The following HS6ST2 variants were observed in gnomAD, a reference collection of about 807,000 sequenced individuals.
HS6ST2 encodes the protein heparan sulfate 6-O-sulfotransferase 2.
Under a neutral mutation model 33.0 loss-of-function variants are expected in HS6ST2, and 17 were observed. The ratio of observed to expected loss-of-function variants is 0.52; its 90% CI spans 0.35 to 0.77. The LOEUF (loss-of-function observed/expected upper bound fraction) is 0.77, where lower values mean the gene tolerates loss of function less well. Among genes scored for constraint, HS6ST2 ranks in the 30% least tolerant of loss-of-function variants. HS6ST2 has a pLI of 0.01. For synonymous variants in HS6ST2, 248 were observed against 237.1 expected (o/e 1.05, Z -0.42); for missense variants, 519 against 551.7 (o/e 0.94, Z 0.59).
At chrX:132,641,201 T>C (rs1250127107) in intron 4 of HS6ST2, among the ~76,000 whole-genome samples, 1 of 112,779 alleles carries the variant, frequency 8.9e-6, no homozygotes, top group Non-Finnish European at 1.9e-5. Flanking sequence ...TGGAGTGAAG[T>C]GGTGCGATCT....
intron 2 of HS6ST2, among the ~76,000 whole-genome samples, chrX:132,912,042 G>C (rs1477335616): frequency 8.9e-6 from 1 of 112,193 alleles, no homozygotes. Context: ...GACAAACACT[G>C]GCTACTGCCG....
chrX:132,802,404 T>G (rs1428626336), intron 2 of HS6ST2, among the ~76,000 whole-genome samples: 9 of 112,030 alleles, frequency 8.0e-5, no homozygotes, highest in Non-Finnish European at 1.7e-4. Context: ...TGCATCTTTT[T>G]TCTGTCCGCA....
At chrX:132,819,868 A>AT (rs2065434729) in intron 2 of HS6ST2, among the ~76,000 whole-genome samples, 1 of 112,537 alleles carries the variant, frequency 8.9e-6, no homozygotes, top group African/African-American at 3.2e-5. Flanking sequence ...AAACACACCG[A>AT]TAGAGCCCAC....
intron 2 of HS6ST2, among the ~76,000 whole-genome samples, chrX:132,746,554 A>G: frequency 8.9e-6 from 1 of 112,090 alleles, no homozygotes. Flanking sequence ...TAATACATTT[A>G]GATGAGAAAA....
chrX:132,752,471 C>CAAAA (rs751283316), intron 2 of HS6ST2, among the ~76,000 whole-genome samples: 5 of 59,644 alleles, frequency 8.4e-5, no homozygotes, highest in Non-Finnish European at 1.2e-4. Flanking sequence ...GACTCCGTCT[C>CAAAA]AAAAAAAAAA....
chrX:132,939,998 T>C (rs1336510336), intron 2 of HS6ST2, among the ~76,000 whole-genome samples: 1 of 111,713 alleles, frequency 9.0e-6, no homozygotes, highest in Non-Finnish European at 1.9e-5. Flanking sequence ...CAAAACAATC[T>C]AGAGAAAGAA....
intron 2 of HS6ST2, among the ~76,000 whole-genome samples, chrX:132,741,426 A>G (rs867100854): frequency 9.3e-6 from 1 of 107,708 alleles, no homozygotes; most frequent in East Asian, 2.9e-4. Context: ...CAGCATCCCA[A>G]GCACGCCACC....
intron 2 of HS6ST2, among the ~76,000 whole-genome samples, chrX:132,954,071 G>T (rs935393880): frequency 8.9e-6 from 1 of 112,182 alleles, no homozygotes; most frequent in Admixed American, 9.4e-5. Flanking sequence ...TGATAAATGG[G>T]GATCCTTTTG....
chrX:132,683,502 A>G (rs2063990591), intron 3 of HS6ST2, among the ~76,000 whole-genome samples: 1 of 111,644 alleles, frequency 9.0e-6, no homozygotes. Flanking sequence ...CAATCCTAGC[A>G]CCCGTAATTG....
chrX:132,857,440 C>T (rs1248862365), intron 2 of HS6ST2, among the ~76,000 whole-genome samples: 2 of 106,826 alleles, frequency 1.9e-5, no homozygotes, highest in Non-Finnish European at 3.9e-5. Flanking sequence ...GCCGTTATCA[C>T]GCCACTGCAC....
intron 3 of HS6ST2, among the ~76,000 whole-genome samples, chrX:132,697,447 C>T (rs1487905081): frequency 2.7e-5 from 3 of 112,158 alleles, no homozygotes; most frequent in Admixed American, 9.5e-5. Flanking sequence ...TCTGGTTCTA[C>T]ATTCAAGAAG....
At chrX:132,844,929 C>A (rs2065737926) in intron 2 of HS6ST2, among the ~76,000 whole-genome samples, 1 of 109,151 alleles carries the variant, frequency 9.2e-6, no homozygotes, top group Admixed American at 9.8e-5. Flanking sequence ...ATAAAGTTTC[C>A]AACTTTATTC....
chrX:132,906,254 C>T (rs2066474195), intron 2 of HS6ST2, among the ~76,000 whole-genome samples: 1 of 112,047 alleles, frequency 8.9e-6, no homozygotes, highest in African/African-American at 3.2e-5. Flanking sequence ...TAGGTTTTTC[C>T]TAAACACTTA....
chrX:132,633,093 A>C (rs1603287722), intron 4 of HS6ST2, among the ~76,000 whole-genome samples: 1 of 107,669 alleles, frequency 9.3e-6, no homozygotes, highest in East Asian at 3.0e-4. Context: ...AAAAAAAAAA[A>C]AAATGAGTCA....
chrX:132,676,925 G>T (rs980996494), intron 3 of HS6ST2, among the ~76,000 whole-genome samples: 5 of 112,442 alleles, frequency 4.4e-5, no homozygotes, highest in Admixed American at 1.9e-4. Flanking sequence ...GGGCAGATGA[G>T]AATGCAAAGG....
At chrX:132,703,699 G>T (rs1300003039) in intron 3 of HS6ST2, among the ~76,000 whole-genome samples, 1 of 112,186 alleles carries the variant, frequency 8.9e-6, no homozygotes, top group Non-Finnish European at 1.9e-5. Flanking sequence ...ACACTGGCAA[G>T]CCAACTTGAA....
intron 2 of HS6ST2, among the ~76,000 whole-genome samples, chrX:132,730,393 A>G (rs918419588): frequency 3.6e-5 from 4 of 112,209 alleles, no homozygotes; most frequent in African/African-American, 1.3e-4. Context: ...AGCAGGCAAC[A>G]GGCTGCCCTC....
chrX:132,906,459 T>C (rs1324854324), intron 2 of HS6ST2, among the ~76,000 whole-genome samples: 3 of 111,813 alleles, frequency 2.7e-5, no homozygotes, highest in Admixed American at 9.5e-5. Context: ...AACATAAAAG[T>C]TTTGCTTCTT....
intron 2 of HS6ST2, among the ~76,000 whole-genome samples, chrX:132,778,326 CAAT>C (rs1185875260): frequency 8.9e-6 from 1 of 112,287 alleles, no homozygotes; most frequent in African/African-American, 3.2e-5. Context: ...AAATTCAACT[CAAT>C]AAAGTAGTTA....
Sources: allele counts gnomAD v4.1 joint callset (sites outside exome capture counted in the v4.1 genomes callset), GRCh38; gene constraint gnomAD v4.1.1; transcripts MANE v1.5; gene names NCBI Gene and HGNC (gene_info 2026-07-23, HGNC 2026-07-21).